Variants in L3MBTL3 observed in about 807,000 individuals in gnomAD.
The protein encoded by L3MBTL3 is L3MBTL histone methyl-lysine binding protein 3.
Under a neutral mutation model 102.3 loss-of-function variants are expected in L3MBTL3, and 27 were observed. The ratio of observed to expected loss-of-function variants is 0.26; its 90% confidence interval spans 0.19 to 0.36. The LOEUF is 0.36. Among genes scored for constraint, L3MBTL3 ranks in the 10% least tolerant of loss-of-function variants. The pLI is 1.00. For missense variants in L3MBTL3, 798 were observed against 955.3 expected, an observed-to-expected ratio of 0.84 and a Z score of 2.17; for synonymous variants, 340 against 320.9, an observed-to-expected ratio of 1.06 and a Z score of -0.64.
chr6:130,135,770 A>G (rs1197456585), intron 22 of L3MBTL3, among the ~76,000 whole-genome samples: 1 of 152,198 alleles, frequency 6.6e-6, no homozygotes, highest in African/African-American at 2.4e-5. Context: ...CATCTTGTGC[A>G]CATTTGTTAA....
At chr6:130,032,408 T>C (rs1032769573) in intron 2 of L3MBTL3, among the ~76,000 whole-genome samples, 1 of 151,962 alleles carries the variant, frequency 6.6e-6, no homozygotes, top group African/African-American at 2.4e-5. Context: ...ATGTTTGTGT[T>C]GTTGTACCCC....
At chr6:130,114,063 A>T (rs985074892) in intron 19 of L3MBTL3, among the ~76,000 whole-genome samples, 3 of 152,036 alleles carry the variant, frequency 2.0e-5, no homozygotes, top group African/African-American at 4.8e-5. Context: ...CTATTGTAAA[A>T]CCTCTTCTCC....
intron 2 of L3MBTL3, among the ~76,000 whole-genome samples, chr6:130,035,700 T>C (rs534034247): frequency 7.2e-5 from 11 of 152,132 alleles, no homozygotes; most frequent in Non-Finnish European, 1.5e-4. Flanking sequence ...AGCCATGACA[T>C]TACGTATTAG....
chr6:130,068,480 G>A (rs566235671), intron 12 of L3MBTL3, 59 bp downstream of exon 12: 17 of 853,558 alleles, frequency 2.0e-5, no homozygotes, highest in Non-Finnish European at 3.4e-5. Context: ...GTGTCTCATA[G>A]GATCAATTAC....
chr6:130,067,765 C>G (rs1782360942), intron 11 of L3MBTL3, among the ~76,000 whole-genome samples: 1 of 152,040 alleles, frequency 6.6e-6, no homozygotes, highest in Non-Finnish European at 1.5e-5. Flanking sequence ...GCTCAATTTC[C>G]TTTTTAAAGG....
intron 15 of L3MBTL3, 75 bp downstream of exon 15, chr6:130,083,780 G>T: frequency 2.8e-6 from 2 of 716,696 alleles, no homozygotes; most frequent in Non-Finnish European, 4.7e-6. Context: ...GAACAAGATG[G>T]TATTAGTAAA....
intron 11 of L3MBTL3, among the ~76,000 whole-genome samples, chr6:130,066,866 A>C (rs117930819): frequency 0.017 from 2,608 of 152,310 alleles, 36 homozygotes; most frequent in Middle Eastern, 0.065. Flanking sequence ...CTAATTTTTC[A>C]AATCAGTTTT....
At chr6:130,062,942 ATTTTCTCTT>A (rs1781997335) in intron 10 of L3MBTL3, among the ~76,000 whole-genome samples, 1 of 149,590 alleles carries the variant, frequency 6.7e-6, no homozygotes, top group South Asian at 2.1e-4. Flanking sequence ...TTTCATATTA[ATTTTCTCTT>A]TTTTCTCTCC....
intron 20 of L3MBTL3, among the ~76,000 whole-genome samples, chr6:130,130,173 G>A (rs1158764494): frequency 6.6e-6 from 1 of 152,202 alleles, no homozygotes; most frequent in Non-Finnish European, 1.5e-5. Context: ...AAGGGCTTTG[G>A]TGTTTTTAGT....
intron 2 of L3MBTL3, among the ~76,000 whole-genome samples, chr6:130,028,106 A>G (rs1404603467): frequency 5.7e-5 from 7 of 122,996 alleles, no homozygotes; most frequent in African/African-American, 2.2e-4. Context: ...GGCATTTTTC[A>G]TTTTCTGTTC....
intron 20 of L3MBTL3, among the ~76,000 whole-genome samples, chr6:130,124,869 C>G: frequency 6.6e-6 from 1 of 151,884 alleles, no homozygotes; most frequent in Admixed American, 6.6e-5. Flanking sequence ...ACTCGGGAGG[C>G]TGAGGCAGGA....
chr6:130,035,301 T>G (rs1779985531), intron 2 of L3MBTL3, among the ~76,000 whole-genome samples: 1 of 152,198 alleles, frequency 6.6e-6, no homozygotes, highest in Non-Finnish European at 1.5e-5. Flanking sequence ...ATGTAAGTGG[T>G]ACATGGTAGA....
intron 20 of L3MBTL3, among the ~76,000 whole-genome samples, chr6:130,132,768 G>T (rs1410628468): frequency 1.4e-5 from 2 of 147,852 alleles, no homozygotes; most frequent in African/African-American, 2.5e-5. Flanking sequence ...ATTCAGTAGG[G>T]TTTTTTTTTT....
At position 130,094,338 on chromosome 6, in the gene L3MBTL3, C is replaced by T. The variant is rs951122888; in HGVS notation, c.1707C>T (p.Phe569=). The T allele has an allele frequency of 1.2e-6, 2 of 1,613,648 alleles. No individual in the cohort carries two copies. Among genetic ancestry groups the T allele is most frequent in the African/African-American group, 2.7e-5 (2 of 74,908 alleles). Residue 569 remains phenylalanine (F), a synonymous_variant, in exon 18 of 23, where the codon TTC becomes TTT. Transcript: ENST00000361794. ...CGGGATGTAAAGGGATTGGCCATTT[C>T]AAGAGAGCGAGACATCTGGGCCCTC... ...STPGCKGIGH[F]KRARHLGPHS...
intron 2 of L3MBTL3, among the ~76,000 whole-genome samples, chr6:130,037,738 G>A (rs566279451): frequency 1.3e-5 from 2 of 152,140 alleles, no homozygotes; most frequent in Admixed American, 6.5e-5. Flanking sequence ...AAGGTAATTG[G>A]GATATCCTTC....
At chr6:130,025,254 T>TA (rs1316713045) in intron 2 of L3MBTL3, among the ~76,000 whole-genome samples, 1 of 152,188 alleles carries the variant, frequency 6.6e-6, no homozygotes, top group Admixed American at 6.5e-5. Flanking sequence ...TGGGTGCACA[T>TA]TTATATGTGA....
At chr6:130,069,357 C>CA (rs1782477138) in intron 12 of L3MBTL3, among the ~76,000 whole-genome samples, 1 of 152,090 alleles carries the variant, frequency 6.6e-6, no homozygotes, top group African/African-American at 2.4e-5. Context: ...CTCCTCACTC[C>CA]AAAAATCCTT....
chr6:130,061,591 G>T (rs942825128), intron 10 of L3MBTL3, among the ~76,000 whole-genome samples: 1 of 151,362 alleles, frequency 6.6e-6, no homozygotes, highest in African/African-American at 2.4e-5. Flanking sequence ...TTTACAGTGA[G>T]AATACTGACA....
chr6:130,057,901 T>C (rs1411501038), intron 9 of L3MBTL3, among the ~76,000 whole-genome samples: 1 of 151,474 alleles, frequency 6.6e-6, no homozygotes, highest in Non-Finnish European at 1.5e-5. Context: ...CCCAGCACTT[T>C]GGGAGGCCGA....
Sources: allele counts gnomAD v4.1 joint callset (sites outside exome capture counted in the v4.1 genomes callset), GRCh38; gene constraint gnomAD v4.1.1; transcripts MANE v1.5; gene names NCBI Gene and HGNC (gene_info 2026-07-23, HGNC 2026-07-21).